Variants in SARDH observed in about 807,000 individuals in gnomAD.
SARDH encodes sarcosine dehydrogenase.
SARDH carries 95 observed loss-of-function variants against 109.1 expected under a neutral mutation model. That is an observed-to-expected ratio of 0.87 (90% CI 0.74 to 1.03). SARDH has a LOEUF of 1.03. Ranked by LOEUF, SARDH falls within the 50% of genes least tolerant of loss-of-function variation. The pLI is 0.00. For synonymous variants in SARDH, 572 were observed against 534.8 expected (o/e 1.07, Z -0.96); for missense variants, 1,267 against 1,287.8 (o/e 0.98, Z 0.25).
rs541779371 is a variant in SARDH, at chr9:133,690,971, C to T, written c.1922-444G>A. ...CAGGGCTATTGGAAGCACCCTTGGA[C>T]GAGAGACCTCTCAGGGCCCCAGGCA... On this transcript the variant is annotated intron_variant, in intron 15 of 20. Transcript: ENST00000439388. Among the ~76,000 whole-genome samples, 173 of 152,166 alleles carry T rather than the reference C, an allele frequency of 1.1e-3. 2 individuals are homozygous for T. Among genetic ancestry groups the T allele is most frequent in the Non-Finnish European group, 1.9e-3 (129 of 68,022 alleles).
At chr9:133,720,007 A>C (rs1312334778) in intron 6 of SARDH, among the ~76,000 whole-genome samples, 1 of 152,114 alleles carries the variant, frequency 6.6e-6, no homozygotes, top group East Asian at 1.9e-4. Context: ...GCTATTCGGG[A>C]GGCTGAGGCA....
chr9:133,735,225 G>C (rs1372978681), intron 1 of SARDH, among the ~76,000 whole-genome samples: 1 of 152,180 alleles, frequency 6.6e-6, no homozygotes, highest in African/African-American at 2.4e-5. Context: ...AGCTCGGTGG[G>C]ACTAAGGCGG....
intron 10 of SARDH, among the ~76,000 whole-genome samples, chr9:133,710,136 A>ACAGCC (rs1031523622): frequency 1.3e-5 from 2 of 152,148 alleles, no homozygotes; most frequent in Admixed American, 6.5e-5. Flanking sequence ...CCCTGAAAAA[A>ACAGCC]CAGCCCAGCC....
chr9:133,713,816 C>T (rs1403716101), intron 8 of SARDH, among the ~76,000 whole-genome samples: 2 of 152,228 alleles, frequency 1.3e-5, no homozygotes, highest in South Asian at 2.1e-4. Context: ...CAAGGCTTAG[C>T]GTCCTAGTCT....
At chr9:133,730,225 A>T in intron 4 of SARDH, 38 bp from the exon 5 acceptor site, 15 of 1,609,120 alleles carry the variant, frequency 9.3e-6, no homozygotes, top group Non-Finnish European at 1.3e-5. Flanking sequence ...ATCCCACGGG[A>T]CTCCCCGGGG....
intron 8 of SARDH, among the ~76,000 whole-genome samples, chr9:133,715,255 G>T (rs1832076108): frequency 6.6e-6 from 1 of 152,184 alleles, no homozygotes; most frequent in African/African-American, 2.4e-5. Context: ...AGATGTCCTT[G>T]CCTGCACATC....
chr9:133,738,429 A>G (rs1832956674), upstream of SARDH: 1 of 149,540 alleles, frequency 6.7e-6, no homozygotes, highest in East Asian at 2.1e-4. Flanking sequence ...ACCGCCCACC[A>G]CTGCGGCTTC....
intron 1 of SARDH, among the ~76,000 whole-genome samples, chr9:133,737,254 G>A (rs1375351892): frequency 2.6e-5 from 4 of 152,214 alleles, no homozygotes. Context: ...CCCATCTCCT[G>A]CCCCAGTGCC....
intron 19 of SARDH, chr9:133,667,227 C>T (rs1200436225): frequency 4.2e-6 from 2 of 480,024 alleles, no homozygotes; most frequent in Admixed American, 4.1e-5. Flanking sequence ...GGTGCAGTGG[C>T]ACAATCTAGA....
chr9:133,665,157 G>A (rs1344801108), intron 20 of SARDH, among the ~76,000 whole-genome samples: 5 of 152,166 alleles, frequency 3.3e-5, no homozygotes, highest in African/African-American at 9.7e-5. Flanking sequence ...TGCACCGGCC[G>A]CTCTGGGTGC....
In SARDH at chr9:133,729,566, C is replaced by T. The variant is rs181685443; in HGVS notation, c.915+199G>A. ...AAGGGGGTCAGCCCCAACAGGGATACGCCTGTGCTACCTAGTTTAATCCTC... is the reference window on the plus strand; with the variant it reads ...AAGGGGGTCAGCCCCAACAGGGATATGCCTGTGCTACCTAGTTTAATCCTC... On this transcript the variant is annotated intron_variant, in intron 6 of 20. Transcript: ENST00000439388. 1.9e-4 allele frequency among the ~76,000 whole-genome samples: 29 copies of T among 152,302 alleles called. No individual in the cohort carries two copies. In the East Asian group the frequency reaches 5.2e-3, roughly 27 times the overall value.
intron 13 of SARDH, among the ~76,000 whole-genome samples, chr9:133,697,076 G>A (rs1831313081): frequency 6.6e-6 from 1 of 152,168 alleles, no homozygotes; most frequent in African/African-American, 2.4e-5. Context: ...CAGAGAAAAT[G>A]AGAGGACTCA....
intron 8 of SARDH, among the ~76,000 whole-genome samples, chr9:133,716,399 C>T (rs1018890363): frequency 7.2e-5 from 11 of 152,366 alleles, no homozygotes; most frequent in South Asian, 4.1e-4. Context: ...AACTCAGGGA[C>T]GTCTGGCTCA....
At chr9:133,696,452 A>G (rs889715473) in intron 13 of SARDH, 91 bp from the exon 14 acceptor site, 39 of 1,518,862 alleles carry the variant, frequency 2.6e-5, no homozygotes, top group Non-Finnish European at 3.3e-5. Context: ...TGTGTCCAAC[A>G]CACCTGTACT....
intron 10 of SARDH, among the ~76,000 whole-genome samples, chr9:133,711,793 C>T (rs993872234): frequency 1.3e-5 from 2 of 152,164 alleles, no homozygotes; most frequent in African/African-American, 2.4e-5. Context: ...ACCCGGAGGC[C>T]GGGCTCCCTC....
chr9:133,687,532 C>T (rs1409134527), intron 16 of SARDH, among the ~76,000 whole-genome samples: 1 of 152,154 alleles, frequency 6.6e-6, no homozygotes, highest in Non-Finnish European at 1.5e-5. Context: ...CTTATCACCT[C>T]GGCCTCCCAA....
intron 6 of SARDH, 137 bp downstream of exon 6, chr9:133,729,628 T>C (rs1394063118): frequency 1.0e-5 from 7 of 675,768 alleles, no homozygotes; most frequent in African/African-American, 3.6e-5. Context: ...CAATCCCCAT[T>C]TCACAGATGA....
chr9:133,734,593 C>G (rs1029435603), intron 1 of SARDH, among the ~76,000 whole-genome samples: 20 of 152,178 alleles, frequency 1.3e-4, no homozygotes, highest in African/African-American at 4.8e-4. Flanking sequence ...GAGCGCCAAG[C>G]TCTGGGTAGA....
At chr9:133,701,733 A>G (rs568125085) in intron 13 of SARDH, among the ~76,000 whole-genome samples, 1 of 152,120 alleles carries the variant, frequency 6.6e-6, no homozygotes, top group Non-Finnish European at 1.5e-5. Flanking sequence ...GCTTCATGAC[A>G]CACACGCCTC....
Sources: allele counts gnomAD v4.1 joint callset (sites outside exome capture counted in the v4.1 genomes callset), GRCh38; gene constraint gnomAD v4.1.1; transcripts MANE v1.5; gene names NCBI Gene and HGNC (gene_info 2026-07-23, HGNC 2026-07-21).